The following CDH20 variants were observed in gnomAD, a reference collection of about 807,000 sequenced individuals.
CDH20 encodes cadherin 20.
CDH20 carries 29 observed loss-of-function variants against 74.2 expected under a neutral mutation model. The observed-to-expected ratio is 0.39, with a 90% CI of 0.29 to 0.53. The LOEUF is 0.53. Ranked by LOEUF, CDH20 falls within the 20% of genes least tolerant of loss-of-function variation. The pLI is 0.69. For missense variants in CDH20, 988 were observed against 1,048.3 expected (o/e 0.94, Z 0.79); for synonymous variants, 469 against 405.4 (o/e 1.16, Z -1.88).
chr18:61,510,995 TTTA>T (rs1911761625), intron 6 of CDH20, among the ~76,000 whole-genome samples: 2 of 141,972 alleles, frequency 1.4e-5, no homozygotes, highest in Admixed American at 1.4e-4. Context: ...TTTTTTTTTG[TTTA>T]TTTGTTTGAA....
chr18:61,346,942 G>C (rs1255921623), intron 1 of CDH20, among the ~76,000 whole-genome samples: 2 of 151,984 alleles, frequency 1.3e-5, no homozygotes, highest in Admixed American at 6.6e-5. Flanking sequence ...TGGGGTGCTG[G>C]CATGCTGTAC....
At position 61,528,029 on chromosome 18, in the gene CDH20, A is replaced by G. The variant is rs1490413105; in HGVS notation, c.1080A>G (p.Leu360=). Residue 360 remains leucine, a synonymous_variant, in exon 7 of 12, where the codon CTA becomes CTG. Transcript: ENST00000262717. ...AGGTGGAGGGAGCCAATCCTCACCTAGAGATGCGTTTTCTGAACTTGGGCC... is the reference window on the plus strand; with the variant it reads ...AGGTGGAGGGAGCCAATCCTCACCTGGAGATGCGTTTTCTGAACTTGGGCC... The part of the protein sequence containing the change: ...TLKVEGANPH[L]EMRFLNLGPF... 6.2e-7 allele frequency: 1 copy of G among 1,614,086 alleles called. No individual in the cohort carries two copies. Among genetic ancestry groups the G allele is most frequent in the South Asian group, 1.1e-5 (1 of 91,084 alleles).
intron 1 of CDH20, among the ~76,000 whole-genome samples, chr18:61,457,071 CA>C (rs1909596755): frequency 6.6e-6 from 1 of 152,108 alleles, no homozygotes; most frequent in Non-Finnish European, 1.5e-5. Flanking sequence ...TTTTTCCAGT[CA>C]GAAACCTTCT....
At chr18:61,531,586 T>G (rs1912641781) in intron 7 of CDH20, among the ~76,000 whole-genome samples, 1 of 152,242 alleles carries the variant, frequency 6.6e-6, no homozygotes. Flanking sequence ...TTAAATGAAC[T>G]CTGAAGCATG....
At chr18:61,348,293 T>G (rs1453692091) in intron 1 of CDH20, among the ~76,000 whole-genome samples, 1 of 152,236 alleles carries the variant, frequency 6.6e-6, no homozygotes, top group Non-Finnish European at 1.5e-5. Flanking sequence ...TCCCAAAAGA[T>G]GGTTCAAAAT....
At chr18:61,450,464 T>C (rs1438922830) in intron 1 of CDH20, among the ~76,000 whole-genome samples, 1 of 151,554 alleles carries the variant, frequency 6.6e-6, no homozygotes, top group Non-Finnish European at 1.5e-5. Context: ...GGAATGATAA[T>C]ATTAAAACCC....
chr18:61,435,967 A>T (rs909529035), intron 1 of CDH20, among the ~76,000 whole-genome samples: 2 of 152,018 alleles, frequency 1.3e-5, no homozygotes, highest in South Asian at 4.2e-4. Flanking sequence ...GAAACCACTA[A>T]TCTACTTTCT....
chr18:61,431,822 T>C (rs1280861702), intron 1 of CDH20, among the ~76,000 whole-genome samples: 1 of 152,212 alleles, frequency 6.6e-6, no homozygotes, highest in Non-Finnish European at 1.5e-5. Flanking sequence ...TTGTAGCTTG[T>C]TGATTCTTCT....
intron 1 of CDH20, among the ~76,000 whole-genome samples, chr18:61,481,951 C>G (rs945579111): frequency 1.3e-5 from 2 of 151,958 alleles, no homozygotes; most frequent in Non-Finnish European, 2.9e-5. Flanking sequence ...CCTAGCTAGA[C>G]CACATTATTC....
chr18:61,418,480 G>A (rs963157842), intron 1 of CDH20, among the ~76,000 whole-genome samples: 2 of 151,352 alleles, frequency 1.3e-5, no homozygotes, highest in Non-Finnish European at 2.9e-5. Context: ...CATGAACCCG[G>A]GAGGCGGAGT....
chr18:61,450,387 TAAA>T (rs67988465), intron 1 of CDH20, among the ~76,000 whole-genome samples: 8 of 131,102 alleles, frequency 6.1e-5, no homozygotes, highest in Non-Finnish European at 8.3e-5. Flanking sequence ...CAAACCCCTT[TAAA>T]AAAAAAAAAA....
chr18:61,554,644 G>A lies in CDH20; in HGVS notation c.2355G>A (p.Arg785=). 1 of 1,599,730 alleles carries A rather than the reference G, an allele frequency of 6.3e-7. No homozygotes were observed. Among genetic ancestry groups the A allele is most frequent in the Non-Finnish European group, 8.5e-7 (1 of 1,173,652 alleles). The change falls in exon 12 of 12, where the codon CGG becomes CGA. Residue 785 remains arginine (R), a synonymous_variant. Transcript: ENST00000262717. The part of the protein sequence containing the change: ...DFLTDWGPRF[R]KLAELYGASE... ...TGACGGACTGGGGGCCCCGCTTCCG[G>A]AAGCTGGCCGAGCTCTACGGGGCGT...
chr18:61,507,393 T>C lies in CDH20; in HGVS notation c.850T>C (p.Leu284=), dbSNP rs369003417. The C allele has an allele frequency of 1.8e-4, 290 of 1,613,822 alleles. No homozygotes were observed. The highest frequency in any genetic ancestry group is 2.3e-4 in the Non-Finnish European group (275 of 1,179,880). ...CGTAGAACATTACCAGATGAGTGTG[T>C]TGGAATCAGCTCCAATTAGCTCCAC... ...FPQKHYQMSV[L]ESAPISSTVG... is the part of the protein sequence containing the mutation. Residue 284 remains leucine, a synonymous_variant, in exon 6 of 12, where the codon TTG becomes CTG. Transcript: ENST00000262717.
intron 1 of CDH20, among the ~76,000 whole-genome samples, chr18:61,462,427 C>T (rs942409490): frequency 6.6e-6 from 1 of 152,078 alleles, no homozygotes; most frequent in African/African-American, 2.4e-5. Flanking sequence ...CTCATCTTAA[C>T]ATGATTATAT....
chr18:61,508,706 G>A (rs1050717673), intron 6 of CDH20, among the ~76,000 whole-genome samples: 29 of 152,012 alleles, frequency 1.9e-4, no homozygotes, highest in Admixed American at 1.1e-3. Flanking sequence ...GCGCAATCTC[G>A]GCTCACTGCA....
chr18:61,343,197 C>G (rs1219673086), intron 1 of CDH20, among the ~76,000 whole-genome samples: 1 of 152,194 alleles, frequency 6.6e-6, no homozygotes, highest in Non-Finnish European at 1.5e-5. Context: ...CCTGGTTACC[C>G]TACTGCAGGT....
chr18:61,352,489 T>G (rs1910338190), intron 1 of CDH20, among the ~76,000 whole-genome samples: 1 of 152,200 alleles, frequency 6.6e-6, no homozygotes, highest in African/African-American at 2.4e-5. Flanking sequence ...TTTTTACTAT[T>G]TCTGGAGTTG....
intron 7 of CDH20, among the ~76,000 whole-genome samples, chr18:61,529,501 G>T (rs1912563166): frequency 6.6e-6 from 1 of 152,064 alleles, no homozygotes; most frequent in Non-Finnish European, 1.5e-5. Context: ...TTTTTTCAAA[G>T]GCAACTAATG....
At chr18:61,355,371 T>C (rs1387265185) in intron 1 of CDH20, among the ~76,000 whole-genome samples, 2 of 152,248 alleles carry the variant, frequency 1.3e-5, no homozygotes, top group African/African-American at 2.4e-5. Context: ...GTATCATTCT[T>C]ACTGGGACTA....
Sources: gnomAD v4.1 joint callset for allele counts (sites outside exome capture counted in the v4.1 genomes callset) on GRCh38, gnomAD v4.1.1 for gene constraint, MANE v1.5 for transcripts, NCBI Gene and HGNC (gene_info 2026-07-23, HGNC 2026-07-21) for gene names.